The following ABR variants were observed in gnomAD, a reference collection of about 807,000 sequenced individuals.
ABR encodes active breakpoint cluster region-related protein.
A neutral mutation model predicts 107.2 loss-of-function variants in ABR; 35 were observed. That is an observed-to-expected ratio of 0.33 (90% CI 0.25 to 0.43). The LOEUF is 0.43. Ranked by LOEUF, ABR falls within the 20% of genes least tolerant of loss-of-function variation. The probability of loss-of-function intolerance (pLI) is 1.00; values close to 1 mark genes in which losing one functional copy is unlikely to be tolerated. For synonymous variants in ABR, 498 were observed against 462.0 expected, an observed-to-expected ratio of 1.08 and a Z score of -1.00; for missense variants, 815 against 1,115.2, an observed-to-expected ratio of 0.73 and a Z score of 3.83.
chr17:1,225,142 C>G (rs2043190413), intron 1 of ABR, among the ~76,000 whole-genome samples: 1 of 125,236 alleles, frequency 8.0e-6, no homozygotes, highest in African/African-American at 3.3e-5. Flanking sequence ...CCGTGAGACT[C>G]CATCTCAAAA....
chr17:1,196,221 G>A (rs1226297806), intron 1 of ABR, among the ~76,000 whole-genome samples: 1 of 150,810 alleles, frequency 6.6e-6, no homozygotes, highest in East Asian at 1.9e-4. Flanking sequence ...CCTGAGGTCA[G>A]GAGTTCAAGA....
intron 1 of ABR, among the ~76,000 whole-genome samples, chr17:1,211,533 G>T (rs563255842): frequency 7.2e-5 from 11 of 152,208 alleles, no homozygotes; most frequent in African/African-American, 2.6e-4. Flanking sequence ...ATTATTCACC[G>T]TGATTTTTTT....
intron 1 of ABR, among the ~76,000 whole-genome samples, chr17:1,223,328 G>C (rs28527251): frequency 0.51 from 76,190 of 149,446 alleles, 19,847 homozygotes; most frequent in Middle Eastern, 0.56. Context: ...CACACACACA[G>C]AGACACGAAT....
At chr17:1,024,883 G>A (rs1215311168) in intron 16 of ABR, among the ~76,000 whole-genome samples, 2 of 152,014 alleles carry the variant, frequency 1.3e-5, no homozygotes, top group African/African-American at 4.8e-5. Context: ...ACTTTGGGAA[G>A]CTGAGGCGGG....
chr17:1,013,279 C>T, intron 16 of ABR, 115 bp from the exon 17 acceptor site: 1 of 1,036,772 alleles, frequency 9.6e-7, no homozygotes, highest in Middle Eastern at 2.1e-4. Flanking sequence ...CGGAAGTGAG[C>T]AGCTGGGATA....
chr17:1,048,562 G>A (rs879801430), intron 16 of ABR, among the ~76,000 whole-genome samples: 11 of 152,168 alleles, frequency 7.2e-5, no homozygotes, highest in Non-Finnish European at 1.2e-4. Context: ...CAAGAAGCTC[G>A]GCGCCCAGCT....
chr17:1,072,896 T>A, intron 7 of ABR, 142 bp from the exon 8 acceptor site: 1 of 1,199,348 alleles, frequency 8.3e-7, no homozygotes, highest in Non-Finnish European at 1.1e-6. Flanking sequence ...CAAATCAGAG[T>A]CAGGCCGGGC....
chr17:1,051,683 G>A lies in ABR; in HGVS notation c.1562-1049C>T, dbSNP rs542152605. On this transcript the variant is annotated intron_variant, in intron 14 of 22. Coordinates refer to ENST00000302538, the MANE Select transcript of ABR (RefSeq NM_021962.5). The surrounding 1 kb of genome is among the most constrained non-coding windows in gnomAD (Gnocchi z 4.3). The stretch of plus-strand genomic sequence containing the variant: ...GACACTATGGCCAACCCTCTGCAGC[G>A]TGAAACAACGTCAGAGGTCACAGTG... Among the ~76,000 whole-genome samples, 9 of 152,338 alleles carry A rather than the reference G, an allele frequency of 5.9e-5. No individual in the cohort carries two copies. Among genetic ancestry groups the A allele is most frequent in the African/African-American group, 1.7e-4 (7 of 41,574 alleles).
At chr17:1,208,855 T>G (rs2042848928) in intron 1 of ABR, among the ~76,000 whole-genome samples, 2 of 142,250 alleles carry the variant, frequency 1.4e-5, no homozygotes, top group Non-Finnish European at 3.0e-5. Flanking sequence ...GCCACTGCGC[T>G]CCAGCCTGGG....
At chr17:1,066,173 C>T (rs148178845) in intron 10 of ABR, among the ~76,000 whole-genome samples, 173 of 152,264 alleles carry the variant, frequency 1.1e-3, no homozygotes, top group African/African-American at 3.9e-3. Flanking sequence ...GCCACTGCAC[C>T]CAGGCTGACC....
intron 4 of ABR, among the ~76,000 whole-genome samples, chr17:1,085,856 G>C (rs903872383): frequency 1.3e-5 from 2 of 152,010 alleles, no homozygotes; most frequent in African/African-American, 4.8e-5. Context: ...TAAAAATGTG[G>C]GTATTAGGGG....
upstream of ABR, among the ~76,000 whole-genome samples, chr17:1,190,688 G>T (rs572031419): frequency 6.6e-6 from 1 of 152,164 alleles, no homozygotes; most frequent in South Asian, 2.1e-4. Flanking sequence ...GAGGTAAACA[G>T]TAGCTCTTCC....
intron 1 of ABR, among the ~76,000 whole-genome samples, chr17:1,205,767 AC>A (rs1448265197): frequency 6.6e-6 from 1 of 152,192 alleles, no homozygotes; most frequent in African/African-American, 2.4e-5. Flanking sequence ...ACATGGTGAA[AC>A]CCCATCTCTG....
At chr17:1,076,714 C>CGGGGGGGGGGGGGGGG (rs376868048) in intron 6 of ABR, among the ~76,000 whole-genome samples, 1 of 42,138 alleles carries the variant, frequency 2.4e-5, no homozygotes, top group African/African-American at 1.7e-4. Context: ...GGCAGGTGCA[C>CGGGGGGGGGGGGGGGG]GGGGGGGGTG....
At chr17:1,087,077 T>C (rs973453091) in intron 4 of ABR, among the ~76,000 whole-genome samples, 1 of 152,132 alleles carries the variant, frequency 6.6e-6, no homozygotes, top group East Asian at 1.9e-4. Context: ...TCCACCTTCA[T>C]GTGTGACGCT....
chr17:1,182,375 T>A (rs182108577), upstream of ABR: 276 of 152,570 alleles, frequency 1.8e-3, 8 homozygotes, highest in Non-Finnish European at 5.1e-4. Flanking sequence ...TTTGTTTGTT[T>A]GTTTGTTTTT....
At chr17:1,170,016 G>C (rs1427721758) in intron 1 of ABR, among the ~76,000 whole-genome samples, 1 of 97,660 alleles carries the variant, frequency 1.0e-5, no homozygotes, top group African/African-American at 4.0e-5. Flanking sequence ...GTGGGGGGGG[G>C]GTGTGTTTGT....
At chr17:1,187,102 G>A (rs1245737681) in exon 1 of ABR, 1 of 152,382 alleles carries the variant, frequency 6.6e-6, no homozygotes, top group African/African-American at 2.4e-5. Flanking sequence ...GTCCCCATCA[G>A]GCCCAGGAGT....
chr17:1,177,856 G>A (rs1400558913), intron 1 of ABR: 1 of 152,290 alleles, frequency 6.6e-6, no homozygotes, highest in Non-Finnish European at 1.5e-5. Flanking sequence ...CCGAACAGAT[G>A]TGTGCCCCCA....
Sources: allele counts gnomAD v4.1 joint callset (sites outside exome capture counted in the v4.1 genomes callset), GRCh38; gene constraint gnomAD v4.1.1; non-coding constraint Gnocchi (gnomAD v3.1); transcripts MANE v1.5; gene names NCBI Gene and HGNC (gene_info 2026-07-23, HGNC 2026-07-21).